WWTR1: variants seen among roughly 807,000 people sequenced by gnomAD.
WWTR1 encodes the protein WW domain containing transcription regulator 1.
WWTR1 carries 13 observed loss-of-function variants against 40.1 expected under a neutral mutation model. The observed-to-expected ratio is 0.32, with a 90% CI of 0.21 to 0.52. The LOEUF (loss-of-function observed/expected upper bound fraction) is 0.52, where lower values mean the gene tolerates loss of function less well. Among genes scored for constraint, WWTR1 ranks in the 20% least tolerant of loss-of-function variants. The pLI, the probability that WWTR1 is intolerant of heterozygous loss-of-function variation, is 0.97. For synonymous variants in WWTR1, 230 were observed against 210.1 expected (o/e 1.09, Z -0.82); for missense variants, 436 against 523.1 (o/e 0.83, Z 1.63).
chr3:149,691,989 C>G (rs1022793951), intron 1 of WWTR1, among the ~76,000 whole-genome samples: 11 of 151,762 alleles, frequency 7.2e-5, no homozygotes, highest in Non-Finnish European at 1.5e-4. Flanking sequence ...GCACTCCAGC[C>G]TGGGTGACAG....
At chr3:149,624,754 C>G (rs1470839373) in intron 2 of WWTR1, among the ~76,000 whole-genome samples, 1 of 152,080 alleles carries the variant, frequency 6.6e-6, no homozygotes, top group Non-Finnish European at 1.5e-5. Context: ...GGCTGGAGTG[C>G]AGTGGCGTGA....
chr3:149,686,894 A>T (rs1445032133), intron 1 of WWTR1, among the ~76,000 whole-genome samples: 1 of 152,066 alleles, frequency 6.6e-6, no homozygotes, highest in African/African-American at 2.4e-5. Context: ...TGCACATTTT[A>T]TGGCTTTGCA....
intron 3 of WWTR1, among the ~76,000 whole-genome samples, chr3:149,570,728 G>A (rs1737577363): frequency 6.6e-6 from 1 of 151,822 alleles, no homozygotes; most frequent in South Asian, 2.1e-4. Flanking sequence ...ATTGGACTTT[G>A]TGTGTGTGTG....
chr3:149,566,435 C>T (rs1737333264), intron 3 of WWTR1, among the ~76,000 whole-genome samples: 1 of 152,056 alleles, frequency 6.6e-6, no homozygotes, highest in Non-Finnish European at 1.5e-5. Context: ...CGTGTATGTG[C>T]CGGTGCACTT....
At position 149,713,676 on chromosome 3, in the gene WWTR1, C is replaced by T. The variant is rs545427767; in HGVS notation, n.584+3766G>A. ...AATTACAGGCATGAGCCACAGCGCCCGTCCTACGTCTTGAATTTTTAAATC... is the reference window on the plus strand; with the variant it reads ...AATTACAGGCATGAGCCACAGCGCCTGTCCTACGTCTTGAATTTTTAAATC... On this transcript the variant is annotated intron_variant and non_coding_transcript_variant, in intron 5 of 6. Coordinates refer to the WWTR1 transcript ENST00000474080. Among the ~76,000 whole-genome samples, 15 of 152,306 alleles carry T rather than the reference C, an allele frequency of 9.8e-5. No homozygotes were observed. In the East Asian group the frequency reaches 2.9e-3, roughly 29 times the overall value.
At chr3:149,524,672 G>A (rs1233045049) in intron 6 of WWTR1, among the ~76,000 whole-genome samples, 4 of 152,110 alleles carry the variant, frequency 2.6e-5, no homozygotes, top group African/African-American at 9.7e-5. Flanking sequence ...CAACCTACAC[G>A]AAAGACGCCA....
At chr3:149,642,724 G>A (rs185524421) in intron 2 of WWTR1, among the ~76,000 whole-genome samples, 2,294 of 150,378 alleles carry the variant, frequency 0.015, 39 homozygotes, top group East Asian at 0.087. Flanking sequence ...GCAGTGAGCC[G>A]AGATCGGGCC....
chr3:149,617,548 C>T (rs1740041795), intron 2 of WWTR1, among the ~76,000 whole-genome samples: 1 of 152,188 alleles, frequency 6.6e-6, no homozygotes, highest in Non-Finnish European at 1.5e-5. Context: ...GCCTATAATC[C>T]CAGCACTTTG....
chr3:149,695,491 T>G (rs896397881), intron 1 of WWTR1, among the ~76,000 whole-genome samples: 64 of 152,100 alleles, frequency 4.2e-4, no homozygotes, highest in African/African-American at 1.3e-3. Flanking sequence ...ATGGGCGCAG[T>G]GGCTTACACC....
upstream of WWTR1, among the ~76,000 whole-genome samples, chr3:149,707,476 C>A (rs1234769251): frequency 2.6e-5 from 4 of 152,072 alleles, no homozygotes; most frequent in African/African-American, 9.7e-5. Flanking sequence ...TCTTCACGAA[C>A]AGGAGAACAA....
intron 2 of WWTR1, among the ~76,000 whole-genome samples, chr3:149,654,329 T>C (rs1369891410): frequency 6.6e-6 from 1 of 152,218 alleles, no homozygotes. Context: ...AACAAAACTC[T>C]ACAAGAAATT....
intron 2 of WWTR1, among the ~76,000 whole-genome samples, chr3:149,590,321 C>A (rs935602434): frequency 6.6e-6 from 1 of 152,096 alleles, no homozygotes; most frequent in Non-Finnish European, 1.5e-5. Context: ...TTAACTTGAT[C>A]ATTACATAAC....
At chr3:149,609,754 G>A (rs1025721887) in intron 2 of WWTR1, among the ~76,000 whole-genome samples, 1 of 152,116 alleles carries the variant, frequency 6.6e-6, no homozygotes, top group Admixed American at 6.6e-5. Context: ...AAAGAGCCAG[G>A]GTTGTCCCCA....
intron 2 of WWTR1, among the ~76,000 whole-genome samples, chr3:149,636,087 G>C (rs944470684): frequency 2.6e-5 from 4 of 152,198 alleles, no homozygotes; most frequent in African/African-American, 4.8e-5. Flanking sequence ...AATTTAGAAT[G>C]TGATGTTCCC....
intron 3 of WWTR1, among the ~76,000 whole-genome samples, chr3:149,556,302 C>T (rs1461232368): frequency 5.3e-5 from 8 of 152,086 alleles, no homozygotes; most frequent in African/African-American, 1.2e-4. Context: ...TGAAGCAGGC[C>T]GGGTGCAGGG....
chr3:149,625,627 C>T lies in WWTR1; in HGVS notation c.431+31249G>A, dbSNP rs182396954. Among the ~76,000 whole-genome samples, 720 of 151,590 alleles carry T rather than the reference C, an allele frequency of 4.7e-3. 3 individuals are homozygous for T. The highest frequency in any genetic ancestry group is 6.9e-3 in the Non-Finnish European group (470 of 67,882). On this transcript the variant is annotated intron_variant, in intron 2 of 6. Transcript: ENST00000360632. ...CTAACATGGTGAAACCCCATCTCTA[C>T]TAAAAATACAAAAACTAGCTGGGCA...
Position 149,528,530 on chromosome 3 carries a change from G to A in WWTR1, c.772-561C>T, listed in dbSNP as rs535536006. 2.6e-5 allele frequency among the ~76,000 whole-genome samples: 4 copies of A among 152,224 alleles called. No homozygotes were observed. The South Asian group carries it at 6.2e-4, about 24-fold the overall frequency. ...TCAGTGGCCAGGGGTGGTGGCTCAC[G>A]TCCATAATCCCAGCACTTTGGGAGG... On this transcript the variant is annotated intron_variant, in intron 4 of 6. Coordinates refer to ENST00000360632, the MANE Select transcript of WWTR1 (RefSeq NM_015472.6).
At chr3:149,586,101 T>C (rs1216274985) in intron 2 of WWTR1, among the ~76,000 whole-genome samples, 1 of 152,230 alleles carries the variant, frequency 6.6e-6, no homozygotes, top group Non-Finnish European at 1.5e-5. Context: ...CTGTTTCAAT[T>C]ATGACTTCAA....
At chr3:149,722,730 G>C (rs912406237) in intron 4 of WWTR1, among the ~76,000 whole-genome samples, 16 of 151,348 alleles carry the variant, frequency 1.1e-4, no homozygotes, top group Non-Finnish European at 2.2e-4. Context: ...TCTTTTTTCT[G>C]TTCCTCAGAC....
Sources: allele counts gnomAD v4.1 joint callset (sites outside exome capture counted in the v4.1 genomes callset), GRCh38; gene constraint gnomAD v4.1.1; transcripts MANE v1.5; gene names NCBI Gene and HGNC (gene_info 2026-07-23, HGNC 2026-07-21).